The following LRRC4C variants were observed in gnomAD, a reference collection of about 807,000 sequenced individuals.
The protein encoded by LRRC4C is leucine-rich repeat-containing protein 4C.
A neutral mutation model predicts 33.6 loss-of-function variants in LRRC4C; 5 were observed. The ratio of observed to expected loss-of-function variants is 0.15; its 90% CI spans 0.08 to 0.31. The LOEUF is 0.31. Ranked by LOEUF, LRRC4C falls within the 10% of genes least tolerant of loss-of-function variation. The pLI is 1.00. For missense variants in LRRC4C, 560 were observed against 796.7 expected (o/e 0.70, Z 3.58); for synonymous variants, 329 against 302.0 (o/e 1.09, Z -0.93).
At chr11:41,026,958 A>G (rs183246297) in intron 1 of LRRC4C, among the ~76,000 whole-genome samples, 1 of 151,644 alleles carries the variant, frequency 6.6e-6, no homozygotes, top group Non-Finnish European at 1.5e-5. Context: ...CCTTTATTGC[A>G]ATGTTCTGGA....
intron 4 of LRRC4C, among the ~76,000 whole-genome samples, chr11:40,260,014 G>C (rs1170569757): frequency 7.0e-6 from 1 of 143,264 alleles, no homozygotes; most frequent in African/African-American, 2.6e-5. Flanking sequence ...CAGGGATCTA[G>C]AACTAGAAAT....
intron 5 of LRRC4C, among the ~76,000 whole-genome samples, chr11:40,170,873 AC>A (rs1463831885): frequency 6.6e-6 from 1 of 152,156 alleles, no homozygotes; most frequent in African/African-American, 2.4e-5. Flanking sequence ...GTGATTACAA[AC>A]TTTTGGGAGA....
Position 41,094,843 on chromosome 11 carries a change from GA to G in LRRC4C, c.-495-161121del, listed in dbSNP as rs369897319. 1.7e-4 allele frequency among the ~76,000 whole-genome samples: 26 copies of G among 152,150 alleles called. No individual in the cohort carries two copies. In the East Asian group the frequency reaches 4.7e-3, roughly 27 times the overall value. ...GAATAGATAATTTTTTAAACTAGGT[GA>G]AAAAAATCACAGAGCTTGTTACAGA... On this transcript the variant is annotated intron_variant, in intron 1 of 6. Coordinates refer to ENST00000528697, the MANE Select transcript of LRRC4C (RefSeq NM_001258419.2).
chr11:40,371,857 A>G (rs1453803298), intron 3 of LRRC4C, among the ~76,000 whole-genome samples: 2 of 152,172 alleles, frequency 1.3e-5, no homozygotes, highest in East Asian at 3.9e-4. Flanking sequence ...CTGGGAAAAT[A>G]TTTGTTTTTC....
At chr11:40,175,494 G>C (rs1860402198) in intron 5 of LRRC4C, among the ~76,000 whole-genome samples, 1 of 152,150 alleles carries the variant, frequency 6.6e-6, no homozygotes. Flanking sequence ...TTCAAGATCA[G>C]AACCTCATCT....
At chr11:41,032,019 T>C (rs1322728290) in intron 1 of LRRC4C, among the ~76,000 whole-genome samples, 2 of 151,990 alleles carry the variant, frequency 1.3e-5, no homozygotes, top group Non-Finnish European at 2.9e-5. Flanking sequence ...CCCACCTAGG[T>C]TGAGAGCTCT....
chr11:41,133,198 A>T (rs1224013984), intron 1 of LRRC4C, among the ~76,000 whole-genome samples: 1 of 152,164 alleles, frequency 6.6e-6, no homozygotes, highest in African/African-American at 2.4e-5. Flanking sequence ...GAAGGTTTCC[A>T]GAGATTAAGG....
chr11:41,312,482 T>G (rs1950670093), intron 1 of LRRC4C, among the ~76,000 whole-genome samples: 1 of 152,228 alleles, frequency 6.6e-6, no homozygotes, highest in Admixed American at 6.5e-5. Context: ...TCTTAAGAAA[T>G]TTGCTGAACA....
intron 1 of LRRC4C, among the ~76,000 whole-genome samples, chr11:41,336,737 C>T (rs765837822): frequency 8.5e-5 from 13 of 152,208 alleles, no homozygotes; most frequent in Admixed American, 2.0e-4. Context: ...CTTGCCATGG[C>T]TGGTCCTGAT....
chr11:41,025,700 C>T (rs11036195), intron 1 of LRRC4C, among the ~76,000 whole-genome samples: 108,724 of 151,462 alleles, frequency 0.72, 39,328 homozygotes, highest in South Asian at 0.78. Flanking sequence ...AGATAATTGA[C>T]AAAGGTGGCT....
intron 4 of LRRC4C, among the ~76,000 whole-genome samples, chr11:40,245,806 G>A (rs1024005687): frequency 5.9e-5 from 9 of 151,790 alleles, no homozygotes; most frequent in African/African-American, 2.2e-4. Flanking sequence ...CACTAGCATT[G>A]TGCTTGGGGC....
At chr11:40,847,616 G>A (rs914803110) in intron 2 of LRRC4C, among the ~76,000 whole-genome samples, 2 of 151,942 alleles carry the variant, frequency 1.3e-5, no homozygotes, top group African/African-American at 4.8e-5. Flanking sequence ...TTCTTTCTTT[G>A]TTGTGTCTCT....
At chr11:40,677,197 C>T (rs979456994) in intron 2 of LRRC4C, among the ~76,000 whole-genome samples, 2 of 152,022 alleles carry the variant, frequency 1.3e-5, no homozygotes, top group Non-Finnish European at 2.9e-5. Context: ...ACCAGCCTGG[C>T]CAACATGGTG....
At chr11:40,145,131 T>C (rs1192960400) in intron 5 of LRRC4C, among the ~76,000 whole-genome samples, 2 of 152,162 alleles carry the variant, frequency 1.3e-5, no homozygotes, top group Non-Finnish European at 2.9e-5. Context: ...GTTCAATAAA[T>C]GTTTCTTGAA....
At chr11:40,647,446 G>A (rs994954533) in intron 3 of LRRC4C, among the ~76,000 whole-genome samples, 1 of 152,018 alleles carries the variant, frequency 6.6e-6, no homozygotes, top group African/African-American at 2.4e-5. Context: ...CTAGGTGTGA[G>A]TCCCCTTGAC....
At chr11:40,984,100 T>A (rs1852738815) in intron 1 of LRRC4C, among the ~76,000 whole-genome samples, 1 of 148,386 alleles carries the variant, frequency 6.7e-6, no homozygotes, top group Non-Finnish European at 1.5e-5. Context: ...ATATGTTCAA[T>A]CCTATAACAG....
At chr11:40,873,176 A>T (rs888265996) in intron 2 of LRRC4C, among the ~76,000 whole-genome samples, 1 of 152,164 alleles carries the variant, frequency 6.6e-6, no homozygotes, top group African/African-American at 2.4e-5. Context: ...CCAAATAAGC[A>T]TCAGTTTCTA....
At chr11:40,242,197 T>A (rs1865972037) in intron 4 of LRRC4C, among the ~76,000 whole-genome samples, 1 of 152,228 alleles carries the variant, frequency 6.6e-6, no homozygotes, top group African/African-American at 2.4e-5. Flanking sequence ...TTTTTCTTAT[T>A]GCATTACAAT....
At chr11:40,864,642 A>G (rs1270897083) in intron 2 of LRRC4C, among the ~76,000 whole-genome samples, 3 of 152,222 alleles carry the variant, frequency 2.0e-5, no homozygotes, top group African/African-American at 7.2e-5. Flanking sequence ...CATGGCAGAC[A>G]TACCTAGTGG....
Sources: allele counts gnomAD v4.1 joint callset (sites outside exome capture counted in the v4.1 genomes callset), GRCh38; gene constraint gnomAD v4.1.1; transcripts MANE v1.5; gene names NCBI Gene and HGNC (gene_info 2026-07-23, HGNC 2026-07-21).